TRMT1L: variants seen among roughly 807,000 people sequenced by gnomAD.
The protein encoded by TRMT1L is tRNA methyltransferase 1L.
Under a neutral mutation model 81.6 loss-of-function variants are expected in TRMT1L, and 28 were observed. The ratio of observed to expected loss-of-function variants is 0.34; its 90% CI spans 0.25 to 0.47. The LOEUF is 0.47. Among genes scored for constraint, TRMT1L ranks in the 20% least tolerant of loss-of-function variants. TRMT1L has a pLI of 1.00. For synonymous variants in TRMT1L, 301 were observed against 303.2 expected (o/e 0.99, Z 0.07); for missense variants, 739 against 877.1 (o/e 0.84, Z 1.99).
intron 1 of TRMT1L, among the ~76,000 whole-genome samples, chr1:185,152,402 A>C (rs564146239): frequency 9.9e-5 from 15 of 152,068 alleles, no homozygotes; most frequent in Non-Finnish European, 1.9e-4. Context: ...ATGCCACCCC[A>C]CCCTTGGCTG....
chr1:185,138,897 G>C (rs538392143), intron 9 of TRMT1L, among the ~76,000 whole-genome samples: 293 of 152,222 alleles, frequency 1.9e-3, no homozygotes, highest in Non-Finnish European at 3.7e-3. Context: ...AGTGATTCTA[G>C]TGCCTCAACC....
intron 13 of TRMT1L, among the ~76,000 whole-genome samples, chr1:185,122,316 G>C (rs1652519495): frequency 6.6e-6 from 1 of 152,108 alleles, no homozygotes. Context: ...GATTTTATGT[G>C]TTGACCAATG....
At chr1:185,130,709 G>A (rs1003339591) in intron 10 of TRMT1L, among the ~76,000 whole-genome samples, 1 of 152,156 alleles carries the variant, frequency 6.6e-6, no homozygotes, top group Non-Finnish European at 1.5e-5. Flanking sequence ...CATTCCAAAA[G>A]ATGAAGTTAA....
chr1:185,150,623 A>G (rs991760726), intron 2 of TRMT1L, 131 bp from the exon 3 acceptor site: 16 of 677,798 alleles, frequency 2.4e-5, no homozygotes, highest in Admixed American at 1.1e-4. Context: ...GGGAGAAGTC[A>G]TTATTCTTGA....
chr1:185,145,481 G>A lies in TRMT1L; in HGVS notation c.613C>T (p.Arg205Cys), dbSNP rs939000328. ...RRTDMLGHVR[R>C]HMNKGETKSS... is the part of the protein sequence containing the mutation. The stretch of plus-strand genomic sequence containing the variant: ...TTAGTCTCTCCTTTATTCATGTGGC[G>A]CCTAACATGTCCTAGCATATCAGTT... The change falls in exon 5 of 15, where the codon CGC becomes TGC. Residue 205 changes from arginine to cysteine, a missense_variant. Arg to Cys is a radical substitution (Grantham distance 180). This residue lies in a region of TRMT1L where 331 missense variants were observed against 462.2 expected (regional missense o/e 0.72). Transcript: ENST00000367506. 7 of 1,611,390 alleles carry A rather than the reference G, an allele frequency of 4.3e-6. No homozygotes were observed. The highest frequency in any genetic ancestry group is 1.1e-5 in the South Asian group (1 of 90,920).
At position 185,140,259 on chromosome 1, in the gene TRMT1L, G is replaced by A. The variant is rs527933106; in HGVS notation, c.860-37C>T. ...TGGGAAGAAAATGAGTTTTATAATT[G>A]TAATAATTTTAAAGAATAAAAATGG... is the stretch of plus-strand genomic sequence containing the variant. On this transcript the variant is annotated intron_variant, in intron 7 of 14. Coordinates refer to ENST00000367506, the MANE Select transcript of TRMT1L (RefSeq NM_030934.5). The A allele has an allele frequency of 3.2e-5, 47 of 1,481,034 alleles. 1 individual carries two copies. In the South Asian group the frequency reaches 5.4e-4, roughly 17 times the overall value. 91.7% of individuals were successfully genotyped at this position (1,481,034 alleles called of 1,614,324 possible).
intron 9 of TRMT1L, among the ~76,000 whole-genome samples, 177 bp downstream of exon 9, chr1:185,139,190 T>C (rs1652973769): frequency 6.6e-6 from 1 of 152,252 alleles, no homozygotes. Flanking sequence ...ATTTCAGGTA[T>C]AAACTTTTAA....
intron 2 of TRMT1L, among the ~76,000 whole-genome samples, chr1:185,151,225 A>T (rs922292453): frequency 1.3e-5 from 2 of 152,094 alleles, no homozygotes; most frequent in African/African-American, 2.4e-5. Flanking sequence ...TTAATAACTC[A>T]TTTAGTAATT....
chr1:185,126,422 A>C (rs1474627627), intron 11 of TRMT1L, among the ~76,000 whole-genome samples: 1 of 152,058 alleles, frequency 6.6e-6, no homozygotes, highest in Admixed American at 6.6e-5. Context: ...AGCCTCCCAA[A>C]GTGCTGGGAT....
At chr1:185,121,381 C>T (rs1302790619) in intron 13 of TRMT1L, among the ~76,000 whole-genome samples, 2 of 151,682 alleles carry the variant, frequency 1.3e-5, no homozygotes, top group South Asian at 2.1e-4. Flanking sequence ...GCTGAGGTGG[C>T]AGGATGGCTT....
At position 185,144,035 on chromosome 1, in the gene TRMT1L, ATGG is replaced by A; in HGVS notation, c.656-9_656-7del. 1.3e-6 allele frequency: 2 copies of A among 1,568,710 alleles called. No individual in the cohort carries two copies. The highest frequency in any genetic ancestry group is 1.9e-5 in the Admixed American group (1 of 51,308). On this transcript the variant is annotated splice_region_variant and splice_polypyrimidine_tract_variant and intron_variant, in intron 5 of 14. Transcript: ENST00000367506. ...AGGTGGTTTAGCAGTGGAAGCTAAG[ATGG>A]AAAAAAGAAAAGATTTCCAGGGAAA...
chr1:185,132,294 G>C (rs1652790855), intron 10 of TRMT1L, among the ~76,000 whole-genome samples: 2 of 152,080 alleles, frequency 1.3e-5, no homozygotes, highest in African/African-American at 2.4e-5. Context: ...AAGGAGGGCG[G>C]ATCACTTGAG....
At chr1:185,149,327 C>T (rs1290846359) in intron 3 of TRMT1L, among the ~76,000 whole-genome samples, 3 of 140,898 alleles carry the variant, frequency 2.1e-5, no homozygotes, top group African/African-American at 5.4e-5. Context: ...TTTTAAGAAA[C>T]AGAGTCTCAC....
intron 10 of TRMT1L, among the ~76,000 whole-genome samples, chr1:185,131,837 C>T (rs979280714): frequency 6.6e-6 from 1 of 152,042 alleles, no homozygotes; most frequent in African/African-American, 2.4e-5. Context: ...CAAAACTTGT[C>T]AAAGAAATAA....
chr1:185,146,222 A>G (rs916268466), intron 4 of TRMT1L, among the ~76,000 whole-genome samples: 1 of 152,020 alleles, frequency 6.6e-6, no homozygotes, highest in Non-Finnish European at 1.5e-5. Flanking sequence ...AGGCCATACT[A>G]AACAACCAGC....
intron 10 of TRMT1L, among the ~76,000 whole-genome samples, chr1:185,135,655 T>C (rs560103621): frequency 1.3e-5 from 2 of 152,000 alleles, no homozygotes; most frequent in East Asian, 1.9e-4. Context: ...ATAATTCCAA[T>C]ACTAGTTAAA....
At position 185,130,609 on chromosome 1, in the gene TRMT1L, T is replaced by C. The variant is rs558715653; in HGVS notation, c.1514-1862A>G. ...CTCTGAAGATGACTATAGAGAGGTA[T>C]TGCAAATAAGAGGTCTGGTTACAAT... On this transcript the variant is annotated intron_variant, in intron 10 of 14. Transcript: ENST00000367506. Among the ~76,000 whole-genome samples the C allele has an allele frequency of 1.3e-4, 20 of 152,348 alleles. No individual in the cohort carries two copies. The East Asian group carries it at 3.5e-3, about 26-fold the overall frequency.
chr1:185,133,905 G>C (rs1307502376), intron 10 of TRMT1L, among the ~76,000 whole-genome samples: 1 of 152,098 alleles, frequency 6.6e-6, no homozygotes, highest in East Asian at 1.9e-4. Flanking sequence ...GCAATAGACA[G>C]CAAATAAAAT....
intron 13 of TRMT1L, among the ~76,000 whole-genome samples, chr1:185,122,802 A>G (rs1299462825): frequency 1.3e-5 from 2 of 149,268 alleles, no homozygotes; most frequent in Admixed American, 1.4e-4. Context: ...CTCCCACCTC[A>G]GCCTCTCAAG....
Sources: gnomAD v4.1 joint callset for allele counts (sites outside exome capture counted in the v4.1 genomes callset) on GRCh38, gnomAD v4.1.1 for gene constraint, gnomAD v4.1.1 regional missense constraint, MANE v1.5 for transcripts, NCBI Gene and HGNC (gene_info 2026-07-23, HGNC 2026-07-21) for gene names.